The following TCF4 variants were observed in gnomAD, a reference collection of about 807,000 sequenced individuals.
TCF4 encodes the protein SL3-3 enhancer factor 2.
A neutral mutation model predicts 82.1 loss-of-function variants in TCF4; 3 were observed. The ratio of observed to expected loss-of-function variants is 0.04; its 90% CI spans 0.02 to 0.09. The LOEUF is 0.09. TCF4 is among the 10% of genes least tolerant of loss of function. The probability of loss-of-function intolerance (pLI) is 1.00; values close to 1 mark genes in which losing one functional copy is unlikely to be tolerated. For missense variants in TCF4, 518 were observed against 852.7 expected (o/e 0.61, Z 4.89); for synonymous variants, 276 against 309.6 (o/e 0.89, Z 1.14).
chr18:55,328,495 C>T (rs1285348374), intron 8 of TCF4, among the ~76,000 whole-genome samples: 2 of 152,126 alleles, frequency 1.3e-5, no homozygotes, highest in Non-Finnish European at 2.9e-5. Flanking sequence ...AAGCATCACA[C>T]TGGACAATGT....
intron 8 of TCF4, among the ~76,000 whole-genome samples, chr18:55,341,712 C>CA (rs954222261): frequency 7.3e-5 from 11 of 150,258 alleles, no homozygotes; most frequent in South Asian, 2.1e-4. Flanking sequence ...TTCTATAGGA[C>CA]AAAAAAAAAT....
Position 55,370,147 on chromosome 18 carries a change from C to T in TCF4, c.370-19144G>A, listed in dbSNP as rs141290468. On this transcript the variant is annotated intron_variant, in intron 6 of 19. Coordinates refer to ENST00000354452, the MANE Select transcript of TCF4 (RefSeq NM_001083962.2). ...GCGCAATGGCTCATGCCTGTAATCC[C>T]GGCACTTTGCGGGGCTGAGGCAGGA... 2.1e-4 allele frequency among the ~76,000 whole-genome samples: 32 copies of T among 152,296 alleles called. No individual in the cohort carries two copies. The East Asian group carries it at 4.8e-3, about 23-fold the overall frequency.
At chr18:55,585,914 T>G in intron 2 of TCF4, 6 of 1,239,256 alleles carry the variant, frequency 4.8e-6, no homozygotes, top group South Asian at 1.8e-5. Flanking sequence ...CTCTCCAGCA[T>G]TTATTTCGAC....
At chr18:55,461,516 T>C (rs1163411313) in intron 4 of TCF4, among the ~76,000 whole-genome samples, 4 of 152,160 alleles carry the variant, frequency 2.6e-5, no homozygotes, top group Admixed American at 6.6e-5. Flanking sequence ...TAGCATGCAA[T>C]GAATTGCTTT....
At chr18:55,501,570 C>T (rs1186334298) in intron 3 of TCF4, among the ~76,000 whole-genome samples, 1 of 152,062 alleles carries the variant, frequency 6.6e-6, no homozygotes, top group African/African-American at 2.4e-5. Flanking sequence ...TAGCAACTAA[C>T]ACGGCTGAAA....
intron 8 of TCF4, among the ~76,000 whole-genome samples, chr18:55,324,536 A>G (rs1602694186): frequency 6.6e-6 from 1 of 152,236 alleles, no homozygotes; most frequent in South Asian, 2.1e-4. Flanking sequence ...ATAATTTTAA[A>G]GAAGTCTTAA....
At chr18:55,626,365 C>T (rs1408150488) in intron 2 of TCF4, among the ~76,000 whole-genome samples, 1 of 152,036 alleles carries the variant, frequency 6.6e-6, no homozygotes, top group Non-Finnish European at 1.5e-5. Flanking sequence ...AACAATCTCG[C>T]CTTCATTTCT....
intron 6 of TCF4, among the ~76,000 whole-genome samples, chr18:55,378,798 G>A (rs533593686): frequency 1.9e-4 from 29 of 152,252 alleles, no homozygotes; most frequent in African/African-American, 4.3e-4. Context: ...GTTTTGACCC[G>A]GAAGATTTAA....
intron 6 of TCF4, among the ~76,000 whole-genome samples, chr18:55,389,128 A>AAAAT (rs1224184146): frequency 4.6e-5 from 7 of 152,178 alleles, no homozygotes; most frequent in African/African-American, 1.2e-4. Flanking sequence ...TCCATCTCAA[A>AAAAT]AAATAAATAA....
chr18:55,396,198 T>C (rs893526370), intron 6 of TCF4, among the ~76,000 whole-genome samples: 5 of 152,198 alleles, frequency 3.3e-5, no homozygotes, highest in African/African-American at 1.2e-4. Flanking sequence ...AAGCACTGGC[T>C]TTGAAACAAA....
chr18:55,448,890 G>A (rs1206376463), intron 5 of TCF4, among the ~76,000 whole-genome samples: 1 of 152,176 alleles, frequency 6.6e-6, no homozygotes, highest in Non-Finnish European at 1.5e-5. Context: ...ATGAGGGTAA[G>A]GGGCAAAATC....
chr18:55,560,407 T>G (rs2097344663), intron 3 of TCF4, among the ~76,000 whole-genome samples: 1 of 152,226 alleles, frequency 6.6e-6, no homozygotes, highest in Non-Finnish European at 1.5e-5. Flanking sequence ...TAGGGCTCAG[T>G]GCTGTCATCA....
At chr18:55,590,682 T>C (rs1328458768), upstream of TCF4, among the ~76,000 whole-genome samples, 1 of 152,218 alleles carries the variant, frequency 6.6e-6, no homozygotes, top group Non-Finnish European at 1.5e-5. Context: ...AAATGGAAAT[T>C]TCCCTACTCC....
intron 5 of TCF4, among the ~76,000 whole-genome samples, chr18:55,428,182 G>T (rs2095060284): frequency 6.6e-6 from 1 of 152,010 alleles, no homozygotes; most frequent in Non-Finnish European, 1.5e-5. Flanking sequence ...CTTCCTTGAT[G>T]ACCAAAAAAG....
At chr18:55,439,879 C>G (rs1038386022) in intron 5 of TCF4, among the ~76,000 whole-genome samples, 1 of 152,182 alleles carries the variant, frequency 6.6e-6, no homozygotes, top group Non-Finnish European at 1.5e-5. Flanking sequence ...CGTGCCACCA[C>G]GCCTGGCTAA....
chr18:55,293,649 C>T (rs143903684), intron 8 of TCF4, among the ~76,000 whole-genome samples: 1 of 152,262 alleles, frequency 6.6e-6, no homozygotes, highest in East Asian at 1.9e-4. Context: ...CAACAAGACA[C>T]TGAGAAAACA....
Position 55,322,357 on chromosome 18 carries a change from A to G in TCF4, c.549+28002T>C, listed in dbSNP as rs1390066668. Reference sequence around the variant, plus strand: ...CTGCCATCTGTCTCTGCTGCTGGCTAGCTCCCAGCATTGTACGCAGCTGCC... The same window carrying G: ...CTGCCATCTGTCTCTGCTGCTGGCTGGCTCCCAGCATTGTACGCAGCTGCC... On this transcript the variant is annotated intron_variant, in intron 8 of 19. Coordinates refer to ENST00000354452, the MANE Select transcript of TCF4 (RefSeq NM_001083962.2). The G allele has an allele frequency of 1.5e-5, 15 of 988,312 alleles. No homozygotes were observed. In the African/African-American group the frequency reaches 2.6e-4, roughly 17 times the overall value. The allele number at this position is 988,312 out of a possible 1,614,324, so 61.2% of individuals were successfully genotyped here. A position where few individuals can be genotyped will look rare whatever the true frequency, so the allele number is the denominator to read the frequency against.
intron 8 of TCF4, among the ~76,000 whole-genome samples, chr18:55,309,912 A>T (rs1228940680): frequency 1.3e-5 from 2 of 152,216 alleles, no homozygotes; most frequent in African/African-American, 4.8e-5. Context: ...TTCATGATTT[A>T]AAAAAATTAC....
At chr18:55,581,035 C>A (rs2097570721) in intron 3 of TCF4, among the ~76,000 whole-genome samples, 1 of 151,964 alleles carries the variant, frequency 6.6e-6, no homozygotes, top group Admixed American at 6.6e-5. Context: ...TACCCAACAT[C>A]ATGCAAAACA....
Sources: gnomAD v4.1 joint callset for allele counts (sites outside exome capture counted in the v4.1 genomes callset) on GRCh38, gnomAD v4.1.1 for gene constraint, MANE v1.5 for transcripts, NCBI Gene and HGNC (gene_info 2026-07-23, HGNC 2026-07-21) for gene names.